Variants in PCDHA6 observed in about 807,000 individuals in gnomAD.
PCDHA6 encodes protocadherin alpha-6.
Under a neutral mutation model 60.3 loss-of-function variants are expected in PCDHA6, and 55 were observed. That is an observed-to-expected ratio of 0.91 (90% CI 0.73 to 1.14). PCDHA6 has a LOEUF of 1.14. Ranked by LOEUF, PCDHA6 falls within the 50% of genes most tolerant of loss-of-function variation. The pLI, the probability that PCDHA6 is intolerant of heterozygous loss-of-function variation, is 0.00. For missense variants in PCDHA6, 1,327 were observed against 1,256.5 expected (o/e 1.06, Z -0.85); for synonymous variants, 652 against 557.9 (o/e 1.17, Z -2.38).
intron 1 of PCDHA6, chr5:140,966,588 G>A: frequency 3.6e-6 from 2 of 558,362 alleles, no homozygotes; most frequent in Non-Finnish European, 5.7e-6. Flanking sequence ...GAGGACGGTG[G>A]GGCCAGGAGC....
At chr5:140,863,660 A>G (rs1439004370) in intron 1 of PCDHA6, 2 of 293,826 alleles carry the variant, frequency 6.8e-6, no homozygotes, top group Non-Finnish European at 1.3e-5. Flanking sequence ...TGATTGCTTT[A>G]TTTATTTTGC....
At chr5:140,970,762 A>C (rs2096431667) in intron 1 of PCDHA6, among the ~76,000 whole-genome samples, 1 of 152,198 alleles carries the variant, frequency 6.6e-6, no homozygotes, top group Admixed American at 6.5e-5. Context: ...TCATTGACAT[A>C]TTGCTGTACA....
At chr5:140,983,783 G>A (rs2097068046) in intron 3 of PCDHA6, among the ~76,000 whole-genome samples, 1 of 152,130 alleles carries the variant, frequency 6.6e-6, no homozygotes, top group Non-Finnish European at 1.5e-5. Context: ...ATACATAACA[G>A]ATGACAGAAT....
chr5:140,930,702 A>T (rs1359159980), intron 1 of PCDHA6, among the ~76,000 whole-genome samples: 1 of 152,234 alleles, frequency 6.6e-6, no homozygotes, highest in African/African-American at 2.4e-5. Context: ...CTTGTAAGTT[A>T]TTCTTCCTCA....
chr5:140,936,337 C>G (rs1226552278), intron 1 of PCDHA6, among the ~76,000 whole-genome samples: 17 of 152,160 alleles, frequency 1.1e-4, no homozygotes, highest in Non-Finnish European at 1.5e-5. Context: ...TTTTCTCTAT[C>G]TGCATATATG....
intron 1 of PCDHA6, among the ~76,000 whole-genome samples, chr5:140,959,004 C>G (rs1554223791): frequency 6.6e-6 from 1 of 151,642 alleles, no homozygotes; most frequent in African/African-American, 2.4e-5. Flanking sequence ...TTTACTGTAC[C>G]TAATTTATAC....
chr5:140,879,955 A>G (rs1554171094), intron 1 of PCDHA6, among the ~76,000 whole-genome samples: 1 of 152,206 alleles, frequency 6.6e-6, no homozygotes, highest in Non-Finnish European at 1.5e-5. Context: ...GCCCATCTGG[A>G]TAATCCAGGA....
chr5:140,841,458 G>T (rs2150315915), intron 1 of PCDHA6: 2 of 1,612,756 alleles, frequency 1.2e-6, no homozygotes, highest in African/African-American at 2.7e-5. Flanking sequence ...ACCTTCGTGG[G>T]CCGGATCGCG....
In PCDHA6 at chr5:140,858,087, G is replaced by A. The variant is rs782702941; in HGVS notation, c.2394+27602G>A. On this transcript the variant is annotated intron_variant, in intron 1 of 3. Coordinates refer to ENST00000529310, the MANE Select transcript of PCDHA6 (RefSeq NM_018909.4). Reference sequence around the variant, plus strand: ...AGCCAGGCACCCAAGGCCTCGTCGCGGGCTTCAGTGGGCGTGGCGCCCGAG... The same window carrying A: ...AGCCAGGCACCCAAGGCCTCGTCGCAGGCTTCAGTGGGCGTGGCGCCCGAG... The A allele has an allele frequency of 4.1e-5, 66 of 1,597,710 alleles. 5 individuals carry two copies. Among genetic ancestry groups the A allele is most frequent in the Non-Finnish European group, 5.3e-5 (62 of 1,167,710 alleles).
At chr5:140,925,349 A>G (rs4912732) in intron 1 of PCDHA6, among the ~76,000 whole-genome samples, 5,885 of 152,152 alleles carry the variant, frequency 0.039, 171 homozygotes, top group Non-Finnish European at 0.058. Flanking sequence ...TTGAGTGAGG[A>G]ATTTAGTGCT....
chr5:140,841,285 T>G (rs2150312602), intron 1 of PCDHA6: 2 of 1,550,288 alleles, frequency 1.3e-6, no homozygotes, highest in East Asian at 2.3e-5. Context: ...ATCTTTATAT[T>G]AAGATAATAT....
chr5:140,987,075 G>C (rs564788093), intron 3 of PCDHA6, among the ~76,000 whole-genome samples: 1 of 152,006 alleles, frequency 6.6e-6, no homozygotes, highest in Admixed American at 6.5e-5. Context: ...TGAGCTGGGC[G>C]TGGTGGCAGG....
At chr5:140,836,514 T>C in intron 1 of PCDHA6, 2 of 1,613,848 alleles carry the variant, frequency 1.2e-6, no homozygotes, top group Non-Finnish European at 1.7e-6. Flanking sequence ...GTCCAGTCTG[T>C]TGGTGCTTAC....
intron 1 of PCDHA6, among the ~76,000 whole-genome samples, chr5:140,886,827 G>GAA (rs782016620): frequency 3.1e-4 from 19 of 60,896 alleles, no homozygotes; most frequent in South Asian, 5.9e-4. Context: ...ACTTCGTCTT[G>GAA]AAAAAAAAAA....
chr5:140,862,480 G>A (rs1293172271), intron 1 of PCDHA6: 1 of 381,094 alleles, frequency 2.6e-6, no homozygotes, highest in East Asian at 7.1e-5. Flanking sequence ...TCTATCCATT[G>A]TTGGTAATCG....
At chr5:140,842,023 T>C (rs1777651230) in intron 1 of PCDHA6, 1 of 1,613,718 alleles carries the variant, frequency 6.2e-7, no homozygotes, top group Non-Finnish European at 8.5e-7. Context: ...CAGTGCTGGA[T>C]GTGAATGATA....
intron 1 of PCDHA6, chr5:140,858,710 T>C (rs2150436389): frequency 5.6e-6 from 3 of 537,418 alleles, no homozygotes; most frequent in South Asian, 5.1e-5. Flanking sequence ...ATATGTGATA[T>C]AGGTTGCAGT....
At chr5:140,978,711 C>G (rs1306070484) in intron 1 of PCDHA6, among the ~76,000 whole-genome samples, 2 of 152,238 alleles carry the variant, frequency 1.3e-5, no homozygotes, top group Non-Finnish European at 2.9e-5. Flanking sequence ...GTGGCCTTTA[C>G]AAGATTATTA....
chr5:141,003,151 C>T (rs1554258934), intron 3 of PCDHA6, among the ~76,000 whole-genome samples: 2 of 152,224 alleles, frequency 1.3e-5, no homozygotes, highest in African/African-American at 2.4e-5. Flanking sequence ...AGACTCTGAC[C>T]TGATCAATCC....
Sources: gnomAD v4.1 joint callset for allele counts (sites outside exome capture counted in the v4.1 genomes callset) on GRCh38, gnomAD v4.1.1 for gene constraint, MANE v1.5 for transcripts, NCBI Gene and HGNC (gene_info 2026-07-23, HGNC 2026-07-21) for gene names.